KCNT2: variants seen among roughly 807,000 people sequenced by gnomAD.
The protein encoded by KCNT2 is potassium sodium-activated channel subfamily T member 2.
Under a neutral mutation model 153.8 loss-of-function variants are expected in KCNT2, and 67 were observed. The ratio of observed to expected loss-of-function variants is 0.44; its 90% CI spans 0.36 to 0.53. The LOEUF (loss-of-function observed/expected upper bound fraction) is 0.53, where lower values mean the gene tolerates loss of function less well. KCNT2 is among the 20% of genes least tolerant of loss of function. The pLI is 0.00. For missense variants in KCNT2, 975 were observed against 1,354.8 expected (o/e 0.72, Z 4.40); for synonymous variants, 500 against 458.8 (o/e 1.09, Z -1.15).
At chr1:196,508,189 CAAAAA>C (rs10539910) in intron 1 of KCNT2, among the ~76,000 whole-genome samples, 1 of 59,984 alleles carries the variant, frequency 1.7e-5, no homozygotes, top group Non-Finnish European at 3.0e-5. Flanking sequence ...CCCTAAGTAG[CAAAAA>C]AAAAAAAAAA....
At chr1:196,414,933 C>T (rs1672635773) in intron 12 of KCNT2, among the ~76,000 whole-genome samples, 1 of 151,926 alleles carries the variant, frequency 6.6e-6, no homozygotes, top group Admixed American at 6.6e-5. Flanking sequence ...GACAGTGACA[C>T]TGGCTTGATC....
In KCNT2 at chr1:196,413,081, A is replaced by G. The variant is rs978358081; in HGVS notation, c.1185+9969T>C. On this transcript the variant is annotated intron_variant, in intron 12 of 27. Coordinates refer to ENST00000294725, the MANE Select transcript of KCNT2 (RefSeq NM_198503.5). ...AAACTAGGATGGAAAGGAGTAGAAC[A>G]GAAAGCTGATACCAGAAACCATGTA... 2.0e-5 allele frequency among the ~76,000 whole-genome samples: 3 copies of G among 151,728 alleles called. No homozygotes were observed. In the East Asian group the frequency reaches 5.8e-4, roughly 29 times the overall value.
intron 8 of KCNT2, among the ~76,000 whole-genome samples, chr1:196,444,823 T>C (rs1390091789): frequency 6.6e-6 from 1 of 151,308 alleles, no homozygotes; most frequent in South Asian, 2.1e-4. Flanking sequence ...TCTACTGATA[T>C]TGTGAGTGGT....
chr1:196,608,383 G>C lies in KCNT2; in HGVS notation c.-74C>G, dbSNP rs1301239663. The C allele has an allele frequency of 3.3e-6, 4 of 1,212,604 alleles. No individual in the cohort carries two copies. The highest frequency in any genetic ancestry group is 1.7e-5 in the Admixed American group (1 of 57,404). The allele number at this position is 1,212,604 out of a possible 1,614,324, so 75.1% of individuals were successfully genotyped here. On this transcript the variant is annotated 5_prime_UTR_variant, in exon 1 of 28. Coordinates refer to ENST00000294725, the MANE Select transcript of KCNT2 (RefSeq NM_198503.5). ...GGAGAAAGAAAGAAAATATTGCGGA[G>C]TACAGGGAGAGGACTAACAAGACGC...
At chr1:196,384,707 C>CAAA (rs60975976) in intron 13 of KCNT2, among the ~76,000 whole-genome samples, 1 of 75,498 alleles carries the variant, frequency 1.3e-5, no homozygotes, top group Non-Finnish European at 2.7e-5. Flanking sequence ...ACCCCATCTC[C>CAAA]AAAAAAAAAA....
Position 196,569,979 on chromosome 1 carries a change from G to A in KCNT2, c.95+38236C>T, listed in dbSNP as rs558343030. Reference sequence around the variant, plus strand: ...GAAATTTTCAACCAAGTTAACCAAAGTCACTCAAGGGCTACAGGAAACTTC... The same window carrying A: ...GAAATTTTCAACCAAGTTAACCAAAATCACTCAAGGGCTACAGGAAACTTC... On this transcript the variant is annotated intron_variant, in intron 1 of 27. Coordinates refer to ENST00000294725, the MANE Select transcript of KCNT2 (RefSeq NM_198503.5). Among the ~76,000 whole-genome samples the A allele has an allele frequency of 1.0e-3, 149 of 148,918 alleles. 2 individuals carry two copies. The highest frequency in any genetic ancestry group is 2.2e-3 in the African/African-American group (86 of 39,508).
At chr1:196,247,682 C>G (rs761894409) in intron 26 of KCNT2, among the ~76,000 whole-genome samples, 2 of 152,096 alleles carry the variant, frequency 1.3e-5, no homozygotes, top group African/African-American at 2.4e-5. Flanking sequence ...TGAGAACTCA[C>G]TATTATAAGA....
intron 1 of KCNT2, among the ~76,000 whole-genome samples, chr1:196,544,707 T>C (rs1387845135): frequency 6.6e-6 from 1 of 152,114 alleles, no homozygotes; most frequent in Non-Finnish European, 1.5e-5. Flanking sequence ...TATGATTCCA[T>C]ATTCTCACTA....
chr1:196,416,506 A>G (rs1225547407), intron 12 of KCNT2, among the ~76,000 whole-genome samples: 1 of 152,048 alleles, frequency 6.6e-6, no homozygotes, highest in Non-Finnish European at 1.5e-5. Context: ...TAAGGGGGAT[A>G]CTACTGTACC....
intron 16 of KCNT2, among the ~76,000 whole-genome samples, chr1:196,339,824 C>T (rs1344592280): frequency 1.3e-5 from 2 of 151,886 alleles, no homozygotes; most frequent in East Asian, 1.9e-4. Flanking sequence ...TCTTCTGTGT[C>T]ATAGAAGCCA....
chr1:196,439,227 T>C (rs1205858808), intron 8 of KCNT2, among the ~76,000 whole-genome samples: 1 of 151,946 alleles, frequency 6.6e-6, no homozygotes, highest in Non-Finnish European at 1.5e-5. Flanking sequence ...AGAATAAAAA[T>C]CCTTTAAGAA....
chr1:196,364,309 T>G (rs1254705505), intron 14 of KCNT2, among the ~76,000 whole-genome samples: 3 of 152,134 alleles, frequency 2.0e-5, no homozygotes, highest in Non-Finnish European at 2.9e-5. Context: ...TTAAAATATG[T>G]TTAACCTAAT....
chr1:196,455,352 A>G (rs1336988729), intron 8 of KCNT2, among the ~76,000 whole-genome samples: 1 of 151,942 alleles, frequency 6.6e-6, no homozygotes, highest in African/African-American at 2.4e-5. Context: ...GGCAGTACAT[A>G]ATTTATAAGT....
At chr1:196,602,938 C>G (rs1440553851) in intron 1 of KCNT2, among the ~76,000 whole-genome samples, 1 of 150,886 alleles carries the variant, frequency 6.6e-6, no homozygotes, top group Non-Finnish European at 1.5e-5. Flanking sequence ...AGGCGCCCGC[C>G]ACCGCGCCCG....
At chr1:196,479,097 T>G in intron 5 of KCNT2, 82 bp downstream of exon 5, 7 of 900,050 alleles carry the variant, frequency 7.8e-6, no homozygotes, top group South Asian at 3.0e-5. Flanking sequence ...TACCTTCCAG[T>G]GCGAACTATA....
At chr1:196,402,698 T>C (rs893466539) in intron 12 of KCNT2, among the ~76,000 whole-genome samples, 1 of 151,612 alleles carries the variant, frequency 6.6e-6, no homozygotes. Flanking sequence ...GCCAATGGAC[T>C]AAACATGTTG....
chr1:196,314,041 T>C (rs1662459650), intron 21 of KCNT2, among the ~76,000 whole-genome samples: 1 of 151,692 alleles, frequency 6.6e-6, no homozygotes, highest in South Asian at 2.1e-4. Flanking sequence ...GCCATATATG[T>C]ATCTGTCCAT....
intron 26 of KCNT2, among the ~76,000 whole-genome samples, chr1:196,242,659 A>G (rs1344525299): frequency 6.6e-6 from 1 of 152,160 alleles, no homozygotes; most frequent in African/African-American, 2.4e-5. Flanking sequence ...TGATAACAGC[A>G]TGATTATTTG....
chr1:196,466,323 C>T (rs991240403), intron 7 of KCNT2, among the ~76,000 whole-genome samples: 6 of 151,848 alleles, frequency 4.0e-5, no homozygotes, highest in Non-Finnish European at 1.5e-5. Context: ...TAAGACAGCC[C>T]AATGTTTCTG....
Sources: allele counts gnomAD v4.1 joint callset (sites outside exome capture counted in the v4.1 genomes callset), GRCh38; gene constraint gnomAD v4.1.1; transcripts MANE v1.5; gene names NCBI Gene and HGNC (gene_info 2026-07-23, HGNC 2026-07-21).